Variants in NXNL2 observed in about 807,000 individuals in gnomAD.
NXNL2 encodes nucleoredoxin-like protein 2.
NXNL2 carries 7 observed loss-of-function variants against 11.1 expected under a neutral mutation model. The observed-to-expected ratio is 0.63, with a 90% CI of 0.36 to 1.18. The LOEUF (loss-of-function observed/expected upper bound fraction) is 1.18. Ranked by LOEUF, NXNL2 falls within the 50% of genes most tolerant of loss-of-function variation. The pLI, the probability that NXNL2 is intolerant of heterozygous loss-of-function variation, is 0.02. For missense variants in NXNL2, 233 were observed against 217.7 expected (o/e 1.07, Z -0.44); for synonymous variants, 109 against 101.8 (o/e 1.07, Z -0.42).
At chr9:88,550,089 A>G (rs1829907978) in intron 1 of NXNL2, among the ~76,000 whole-genome samples, 2 of 152,126 alleles carry the variant, frequency 1.3e-5, no homozygotes, top group African/African-American at 4.8e-5. Flanking sequence ...AAGGTCTGGG[A>G]TTACAGGCGT....
At chr9:88,566,618 CT>C (rs745803408) in intron 1 of NXNL2, among the ~76,000 whole-genome samples, 23 of 152,068 alleles carry the variant, frequency 1.5e-4, no homozygotes, top group Non-Finnish European at 3.2e-4. Flanking sequence ...CTTATGTTTT[CT>C]TTTAGGAGTT....
chr9:88,566,973 C>CATTT (rs1554706786), intron 1 of NXNL2, among the ~76,000 whole-genome samples: 178 of 123,552 alleles, frequency 1.4e-3, no homozygotes, highest in Middle Eastern at 9.1e-3. Context: ...TATTATCTAT[C>CATTT]ATCTATCTAT....
intron 1 of NXNL2, among the ~76,000 whole-genome samples, chr9:88,564,460 A>T (rs1259395557): frequency 6.6e-6 from 1 of 152,050 alleles, no homozygotes; most frequent in Non-Finnish European, 1.5e-5. Flanking sequence ...CTTGTCGCCC[A>T]GGCTGGAGTG....
downstream of NXNL2, among the ~76,000 whole-genome samples, chr9:88,547,615 T>C (rs1479330117): frequency 1.3e-5 from 2 of 152,332 alleles, no homozygotes; most frequent in Non-Finnish European, 2.9e-5. Context: ...CCTATGCTAA[T>C]TTTGATTGAA....
intron 2 of NXNL2, chr9:88,571,331 A>C (rs1830262716): frequency 4.6e-6 from 1 of 216,694 alleles, no homozygotes; most frequent in Non-Finnish European, 9.3e-6. Flanking sequence ...CGACCTTCCA[A>C]GGTGCTGGGA....
At chr9:88,558,254 A>G (rs1222202843) in intron 1 of NXNL2, among the ~76,000 whole-genome samples, 1 of 152,118 alleles carries the variant, frequency 6.6e-6, no homozygotes, top group Non-Finnish European at 1.5e-5. Context: ...TGCCTACATA[A>G]TAAAGCTTCC....
intron 1 of NXNL2, among the ~76,000 whole-genome samples, chr9:88,565,546 A>T (rs1238410199): frequency 6.6e-6 from 1 of 151,874 alleles, no homozygotes; most frequent in East Asian, 1.9e-4. Context: ...TAATTTTTTT[A>T]AATTTTTGAG....
chr9:88,555,680 G>A (rs139380135), intron 1 of NXNL2, among the ~76,000 whole-genome samples: 7 of 152,244 alleles, frequency 4.6e-5, no homozygotes, highest in Admixed American at 1.3e-4. Context: ...TTTCGGTGCC[G>A]CTTTGCCAGC....
chr9:88,560,658 A>G (rs1830074698), intron 1 of NXNL2, among the ~76,000 whole-genome samples: 1 of 152,154 alleles, frequency 6.6e-6, no homozygotes, highest in Admixed American at 6.5e-5. Flanking sequence ...AATCCCTGCT[A>G]TTGTGGATGC....
intron 1 of NXNL2, 103 bp downstream of exon 1, chr9:88,535,839 C>G (rs530501561): frequency 3.6e-5 from 31 of 854,948 alleles, no homozygotes; most frequent in African/African-American, 2.1e-4. Flanking sequence ...ACGCCCCCCC[C>G]CAACACCTCC....
chr9:88,543,612 C>T (rs1439438420), intron 1 of NXNL2, among the ~76,000 whole-genome samples: 3 of 152,160 alleles, frequency 2.0e-5, no homozygotes, highest in African/African-American at 7.2e-5. Context: ...TTTTCAACCC[C>T]TTGAGATGTA....
At chr9:88,574,808 G>T (rs531678243) in intron 2 of NXNL2, among the ~76,000 whole-genome samples, 1 of 152,152 alleles carries the variant, frequency 6.6e-6, no homozygotes, top group East Asian at 1.9e-4. Context: ...GGATTTTTGC[G>T]AAGACTGGAA....
In NXNL2 at chr9:88,535,641, C is replaced by T. The variant is rs1829595078; in HGVS notation, c.207C>T (p.Phe69=). 10 of 1,608,856 alleles carry T rather than the reference C, an allele frequency of 6.2e-6. No homozygotes were observed. Among genetic ancestry groups the T allele is most frequent in the Non-Finnish European group, 8.5e-6 (10 of 1,179,428 alleles). The change falls in exon 1 of 2, where the codon TTC becomes TTT. Residue 69 remains phenylalanine, a synonymous_variant. Coordinates refer to ENST00000375854, the MANE Select transcript of NXNL2 (RefSeq NM_001161625.2). ...ARRPAPFEVV[F]VSADGSSQEM... is the part of the protein sequence containing the mutation. ...GGCCCGCGCCCTTCGAAGTGGTCTT[C>T]GTGTCAGCCGACGGCAGCTCCCAGG...
chr9:88,564,278 CTATCTAT>C (rs1348227163), intron 1 of NXNL2, among the ~76,000 whole-genome samples: 7 of 122,542 alleles, frequency 5.7e-5, no homozygotes, highest in South Asian at 2.8e-4. Flanking sequence ...GTCTATCTAT[CTATCTAT>C]TATCTATCTA....
At chr9:88,570,838 G>A (rs941485342) in intron 1 of NXNL2, among the ~76,000 whole-genome samples, 1 of 152,006 alleles carries the variant, frequency 6.6e-6, no homozygotes, top group African/African-American at 2.4e-5. Flanking sequence ...CGCCTCCTGG[G>A]TTCAAACGAT....
downstream of NXNL2, among the ~76,000 whole-genome samples, chr9:88,577,623 AAG>A (rs5899044): frequency 1.3e-3 from 191 of 149,488 alleles, no homozygotes; most frequent in East Asian, 2.0e-3. Context: ...TGGAGAGAGA[AAG>A]AGAGAGAGAG....
downstream of NXNL2, among the ~76,000 whole-genome samples, chr9:88,579,226 T>C (rs1323281396): frequency 6.6e-6 from 1 of 152,206 alleles, no homozygotes. Context: ...TGATCTTGAC[T>C]TTCTCAGCAG....
At chr9:88,563,956 ATCCT>A (rs1275021529) in intron 1 of NXNL2, among the ~76,000 whole-genome samples, 6 of 151,902 alleles carry the variant, frequency 3.9e-5, no homozygotes, top group Non-Finnish European at 8.8e-5. Context: ...CACACCTGTA[ATCCT>A]AGCACTTTGG....
At position 88,555,673 on chromosome 9, in the gene NXNL2, C is replaced by T. The variant is rs565520270; in HGVS notation, c.303-15414C>T. On this transcript the variant is annotated intron_variant, in intron 1 of 2. Transcript: ENST00000375855. ...AGGAAAAAAGCCCTGGCGATTCTTT[C>T]GGTGCCGCTTTGCCAGCTGGAAACC... Among the ~76,000 whole-genome samples the T allele has an allele frequency of 1.1e-4, 16 of 152,270 alleles. No homozygotes were observed. In the South Asian group the frequency reaches 2.1e-3, roughly 20 times the overall value.
Sources: gnomAD v4.1 joint callset for allele counts (sites outside exome capture counted in the v4.1 genomes callset) on GRCh38, gnomAD v4.1.1 for gene constraint, MANE v1.5 for transcripts, NCBI Gene and HGNC (gene_info 2026-07-23, HGNC 2026-07-21) for gene names.